Variants in TOE1 observed in about 807,000 individuals in gnomAD.
TOE1 encodes the protein target of EGR1 protein 1.
In TOE1, 50 loss-of-function variants were observed where a neutral mutation model predicts 49.2. The observed-to-expected ratio is 1.02, with a 90% CI of 0.81 to 1.29. The LOEUF is 1.29. TOE1 is among the 50% of genes most tolerant of loss of function. The pLI, the probability that TOE1 is intolerant of heterozygous loss-of-function variation, is 0.00. For missense variants in TOE1, 544 were observed against 654.4 expected (o/e 0.83, Z 1.84); for synonymous variants, 221 against 247.0 (o/e 0.89, Z 0.99).
chr1:45,341,825 C>A, intron 4 of TOE1, 124 bp from the exon 5 acceptor site: 1 of 1,060,462 alleles, frequency 9.4e-7, no homozygotes, highest in Non-Finnish European at 1.4e-6. Context: ...AGTCTTTTAT[C>A]CCTCACCTGC....
At chr1:45,340,943 A>T in intron 1 of TOE1, 130 bp from the exon 2 acceptor site, 1 of 1,348,602 alleles carries the variant, frequency 7.4e-7, no homozygotes, top group Non-Finnish European at 1.0e-6. Flanking sequence ...CACGTGGGTT[A>T]CAAAGGCTTG....
At chr1:45,340,351 A>T in intron 1 of TOE1, 47 bp downstream of exon 1, 1 of 1,587,032 alleles carries the variant, frequency 6.3e-7, no homozygotes, top group Non-Finnish European at 8.6e-7. Context: ...GCGCTCTGGG[A>T]GAGGGGAAGG....
chr1:45,342,205 G>C, intron 5 of TOE1, 98 bp downstream of exon 5: 2 of 1,526,170 alleles, frequency 1.3e-6, no homozygotes, highest in Non-Finnish European at 1.8e-6. Flanking sequence ...GCTTCTTAGG[G>C]AGTATGGGGA....
At position 45,341,487 on chromosome 1, in the gene TOE1, G is replaced by A. The variant is rs751886760; in HGVS notation, c.251G>A (p.Arg84His). The change falls in exon 4 of 8, where the codon CGT becomes CAT. Residue 84 changes from arginine (R) to histidine (H), a missense_variant. Physicochemically the swap from Arg to His is conservative, Grantham distance 29. Transcript: ENST00000372090. ...KSLLNQCIEERYKAVCHAART... is the reference protein window; with the variant it reads ...KSLLNQCIEEHYKAVCHAART... Reference sequence around the variant, plus strand: ...CCAACCCCAAGGTGCATTGAGGAACGTTACAAGGCCGTGTGTCATGCTGCC... The same window carrying A: ...CCAACCCCAAGGTGCATTGAGGAACATTACAAGGCCGTGTGTCATGCTGCC... 7 of 1,613,924 alleles carry A rather than the reference G, an allele frequency of 4.3e-6. No homozygotes were observed. In the South Asian group the frequency reaches 4.4e-5, roughly 10 times the overall value.
At chr1:45,340,399 G>C in intron 1 of TOE1, 95 bp downstream of exon 1, 1 of 1,544,034 alleles carries the variant, frequency 6.5e-7, no homozygotes, top group Non-Finnish European at 8.7e-7. Flanking sequence ...TCAAGCTTCA[G>C]AGGACTGCTC....
Position 45,343,449 on chromosome 1 carries a change from C to G in TOE1, c.1280C>G (p.Ala427Gly). ...ACCTCAGAAGTGCCAGGGAGCCAAG[C>G]CAGTCCTAACCCAGTGCCTGGGGAT... ...RATSEVPGSQ[A>G]SPNPVPGDGL... is the part of the protein sequence containing the mutation. Residue 427 changes from alanine to glycine, a missense_variant, in exon 8 of 8, where the codon GCC becomes GGC. Ala to Gly is a moderately conservative substitution (Grantham distance 60, BLOSUM62 0). Coordinates refer to ENST00000372090, the MANE Select transcript of TOE1 (RefSeq NM_025077.4). The surrounding 1 kb of genome is among the most constrained non-coding windows in gnomAD (Gnocchi z 4.3). 6.2e-7 allele frequency: 1 copy of G among 1,614,166 alleles called. No individual in the cohort carries two copies. Among genetic ancestry groups the G allele is most frequent in the Non-Finnish European group, 8.5e-7 (1 of 1,180,038 alleles).
chr1:45,341,912 C>G, intron 4 of TOE1, 37 bp from the exon 5 acceptor site: 1 of 1,607,442 alleles, frequency 6.2e-7, no homozygotes, highest in Non-Finnish European at 8.5e-7. Flanking sequence ...GCTTGGCTCT[C>G]TGAAATCTTG....
chr1:45,342,645 T>G lies in TOE1; in HGVS notation c.752+2T>G, dbSNP rs1647058417. On this transcript the variant is annotated splice_donor_variant, in intron 6 of 7. Coordinates refer to ENST00000372090, the MANE Select transcript of TOE1 (RefSeq NM_025077.4). LOFTEE classifies it high-confidence loss of function. ...CTTAGAATATGCCTTCCGGAAATGGTGAGGAAATGGTTGAGGGAAAGGGGT... is the reference window on the plus strand; with the variant it reads ...CTTAGAATATGCCTTCCGGAAATGGGGAGGAAATGGTTGAGGGAAAGGGGT... 1.9e-6 allele frequency: 3 copies of G among 1,613,038 alleles called. No homozygotes were observed. Among genetic ancestry groups the G allele is most frequent in the Non-Finnish European group, 2.5e-6 (3 of 1,179,350 alleles).
intron 3 of TOE1, 51 bp downstream of exon 3, chr1:45,341,394 G>T (rs777830972): frequency 1.9e-6 from 3 of 1,613,952 alleles, no homozygotes; most frequent in African/African-American, 2.7e-5. Context: ...TGTGGAGTGG[G>T]GGGGTCACAG....
chr1:45,341,699 T>A (rs1646994631), intron 4 of TOE1, 130 bp downstream of exon 4: 4 of 884,910 alleles, frequency 4.5e-6, no homozygotes, highest in African/African-American at 3.6e-5. Flanking sequence ...TTTTTTTTTT[T>A]ATTTGAATAG....
intron 4 of TOE1, 29 bp downstream of exon 4, chr1:45,341,598 G>A (rs372016210): frequency 2.6e-5 from 42 of 1,595,726 alleles, no homozygotes; most frequent in Middle Eastern, 3.3e-4. Flanking sequence ...CCAATCCTAG[G>A]TGTGGCTGTG....
chr1:45,340,557 T>C, intron 1 of TOE1: 1 of 1,378,514 alleles, frequency 7.3e-7, no homozygotes, highest in Non-Finnish European at 9.4e-7. Flanking sequence ...GTAGTAATAG[T>C]TGTGATTCAG....
Position 45,341,130 on chromosome 1 carries a change from T to C in TOE1, c.110T>C (p.Val37Ala). 6.2e-7 allele frequency: 1 copy of C among 1,614,202 alleles called. No homozygotes were observed. The change falls in exon 2 of 8, where the codon GTG becomes GCG. Residue 37 changes from valine to alanine, a missense_variant. Physicochemically the swap from Val to Ala is moderately conservative, Grantham distance 64 (BLOSUM62 0). Coordinates refer to ENST00000372090, the MANE Select transcript of TOE1 (RefSeq NM_025077.4). ...GAGCTAGTAGTCCAGGTTCCCGTAG[T>C]GGATGTGCAAAGCAACAACTTCAAG... ...GEELVVQVPVVDVQSNNFKEM... is the reference protein window; with the variant it reads ...GEELVVQVPVADVQSNNFKEM...
At chr1:45,342,669 G>T (rs1245505773) in intron 6 of TOE1, 26 bp downstream of exon 6, 1 of 1,611,596 alleles carries the variant, frequency 6.2e-7, no homozygotes, top group Admixed American at 1.7e-5. Flanking sequence ...AGGGAAAGGG[G>T]TGGGGCCTGA....
intron 3 of TOE1, 60 bp from the exon 4 acceptor site, chr1:45,341,413 G>A (rs1488297330): frequency 1.2e-6 from 2 of 1,614,040 alleles, no homozygotes; most frequent in South Asian, 1.1e-5. Flanking sequence ...AGACCTGGGT[G>A]GTTTGGGTCC....
intron 1 of TOE1, 126 bp downstream of exon 1, chr1:45,340,430 G>A (rs1054783330): frequency 1.3e-6 from 2 of 1,522,440 alleles, no homozygotes; most frequent in Non-Finnish European, 1.8e-6. Context: ...AACTAGCCAC[G>A]AGGAGACTAC....
Position 45,341,113 on chromosome 1 carries a change from A to T in TOE1, c.93A>T (p.Val31=), listed in dbSNP as rs146588183. 4 of 1,614,100 alleles carry T rather than the reference A, an allele frequency of 2.5e-6. No homozygotes were observed. Among genetic ancestry groups the T allele is most frequent in the Non-Finnish European group, 3.4e-6 (4 of 1,180,042 alleles). The change falls in exon 2 of 8, where the codon GTA becomes GTT. Residue 31 remains valine (V), a synonymous_variant. Transcript: ENST00000372090. The part of the protein sequence containing the change: ...SKSTTSGEEL[V]VQVPVVDVQS... ...GCACAACATCTGGGGAGGAGCTAGT[A>T]GTCCAGGTTCCCGTAGTGGATGTGC...
intron 1 of TOE1, chr1:45,340,641 C>A: frequency 8.0e-7 from 1 of 1,255,546 alleles, no homozygotes; most frequent in Non-Finnish European, 1.0e-6. Flanking sequence ...TGGGGCACTG[C>A]CAGGCTCTGG....
chr1:45,342,117 T>G lies in TOE1; in HGVS notation c.492+10T>G. On this transcript the variant is annotated intron_variant, in intron 5 of 7. Coordinates refer to ENST00000372090, the MANE Select transcript of TOE1 (RefSeq NM_025077.4). The stretch of plus-strand genomic sequence containing the variant: ...TAAGGGCAATGACAAGGTAGGCCTC[T>G]AGCCTCCCTAGCCTTGAGTCTGCCC... The G allele has an allele frequency of 6.2e-7, 1 of 1,612,876 alleles. No individual in the cohort carries two copies. Among genetic ancestry groups the G allele is most frequent in the South Asian group, 1.1e-5 (1 of 91,028 alleles).
Sources: gnomAD v4.1 joint callset for allele counts on GRCh38, gnomAD v4.1.1 for gene constraint, Gnocchi (gnomAD v3.1) non-coding constraint, MANE v1.5 for transcripts, NCBI Gene and HGNC (gene_info 2026-07-23, HGNC 2026-07-21) for gene names.